The following MINDY2 variants were observed in gnomAD, a reference collection of about 807,000 sequenced individuals.
MINDY2 encodes the protein MINDY lysine 48 deubiquitinase 2, also known as ubiquitin carboxyl-terminal hydrolase MINDY-2.
MINDY2 carries 52 observed loss-of-function variants against 68.2 expected under a neutral mutation model. The observed-to-expected ratio is 0.76, with a 90% CI of 0.61 to 0.96. The LOEUF is 0.96. Among genes scored for constraint, MINDY2 ranks in the 40% least tolerant of loss-of-function variants. The pLI is 0.00. For synonymous variants in MINDY2, 372 were observed against 303.0 expected (o/e 1.23, Z -2.36); for missense variants, 881 against 773.4 (o/e 1.14, Z -1.65).
At chr15:58,822,652 C>T (rs966603560) in intron 5 of MINDY2, among the ~76,000 whole-genome samples, 1 of 152,096 alleles carries the variant, frequency 6.6e-6, no homozygotes, top group African/African-American at 2.4e-5. Context: ...CTAAATTCAT[C>T]GTCACAAAAT....
intron 2 of MINDY2, among the ~76,000 whole-genome samples, chr15:58,793,764 G>A (rs1465413611): frequency 6.6e-6 from 1 of 152,190 alleles, no homozygotes; most frequent in Non-Finnish European, 1.5e-5. Context: ...TCTCTTGAGT[G>A]CTTCTATTTT....
At position 58,854,464 on chromosome 15, in the gene MINDY2, T is replaced by C; in HGVS notation, c.1738-18T>C. 1.2e-6 allele frequency: 2 copies of C among 1,604,180 alleles called. No homozygotes were observed. Among genetic ancestry groups the C allele is most frequent in the Non-Finnish European group, 1.7e-6 (2 of 1,177,130 alleles). On this transcript the variant is annotated intron_variant, in intron 8 of 8. Transcript: ENST00000559228. ...CAGAATAGTTAGAGTAATTTCTTGC[T>C]GTATATTTTTCTTAAAGCAGGGCCA...
chr15:58,784,481 A>G (rs2140910342), intron 1 of MINDY2, among the ~76,000 whole-genome samples: 1 of 152,268 alleles, frequency 6.6e-6, no homozygotes, highest in African/African-American at 2.4e-5. Context: ...AATTTTACGG[A>G]GAATATTTAA....
chr15:58,780,900 C>G (rs1595701223), intron 1 of MINDY2, among the ~76,000 whole-genome samples: 1 of 152,148 alleles, frequency 6.6e-6, no homozygotes, highest in Admixed American at 6.6e-5. Context: ...TCAAAATGGT[C>G]TCTTGTCTTA....
At chr15:58,852,958 T>C (rs1263064594) in intron 8 of MINDY2, among the ~76,000 whole-genome samples, 1 of 44,322 alleles carries the variant, frequency 2.3e-5, no homozygotes, top group Non-Finnish European at 5.5e-5. Flanking sequence ...TTTTTTTTTT[T>C]TTTTTTTTTT....
At chr15:58,826,200 TTC>T (rs2031380760) in intron 5 of MINDY2, among the ~76,000 whole-genome samples, 1 of 151,814 alleles carries the variant, frequency 6.6e-6, no homozygotes, top group African/African-American at 2.4e-5. Context: ...GTTGAATGTT[TTC>T]TTTTTTTCTG....
At chr15:58,778,922 C>T (rs1457423670) in intron 1 of MINDY2, among the ~76,000 whole-genome samples, 5 of 150,110 alleles carry the variant, frequency 3.3e-5, no homozygotes, top group African/African-American at 7.4e-5. Context: ...ATGCAGTTTC[C>T]GGCTAATTTT....
intron 4 of MINDY2, among the ~76,000 whole-genome samples, chr15:58,813,306 C>G (rs1302609262): frequency 1.3e-5 from 2 of 152,080 alleles, no homozygotes; most frequent in African/African-American, 2.4e-5. Flanking sequence ...ACCAGCCTGG[C>G]CAACATGGCG....
intron 2 of MINDY2, among the ~76,000 whole-genome samples, chr15:58,796,466 T>C (rs1331970414): frequency 1.3e-5 from 2 of 152,258 alleles, no homozygotes; most frequent in Non-Finnish European, 2.9e-5. Context: ...TTTACTGTAA[T>C]AGGATGCTTA....
intron 3 of MINDY2, among the ~76,000 whole-genome samples, chr15:58,807,107 C>T (rs1003059845): frequency 1.1e-4 from 16 of 151,990 alleles, no homozygotes; most frequent in African/African-American, 3.4e-4. Flanking sequence ...AAAGAGAATC[C>T]GTAGTTTTAA....
rs1249669338 is a variant in MINDY2, at chr15:58,771,902, A to G, written c.507A>G (p.Glu169=). 3.2e-6 allele frequency: 5 copies of G among 1,562,076 alleles called. No individual in the cohort carries two copies. Among genetic ancestry groups the G allele is most frequent in the Middle Eastern group, 1.7e-4 (1 of 5,822 alleles). The part of the protein sequence containing the change: ...SSCSDPSPPG[E]SPSLDSLESF... ...GCAGCGACCCGAGCCCTCCTGGGGA[A>G]TCTCCGAGCCTGGACTCTCTGGAGT... Residue 169 remains glutamate (E), a synonymous_variant, in exon 1 of 9, where the codon GAA becomes GAG. Transcript: ENST00000559228.
intron 6 of MINDY2, among the ~76,000 whole-genome samples, chr15:58,842,453 A>T (rs868398425): frequency 6.6e-6 from 1 of 152,080 alleles, no homozygotes; most frequent in South Asian, 2.1e-4. Context: ...CATAGTGGAA[A>T]TTTTTTTCAC....
chr15:58,840,113 C>T (rs182677940), intron 6 of MINDY2, among the ~76,000 whole-genome samples: 3 of 152,310 alleles, frequency 2.0e-5, no homozygotes, highest in African/African-American at 7.2e-5. Context: ...GGATTACAGG[C>T]GTGAGCCACG....
rs903354299 is a variant in MINDY2 at position 58,787,968 on chromosome 15, G to C, written c.898+5G>C. On this transcript the variant is annotated splice_donor_5th_base_variant and intron_variant, in intron 2 of 8. Transcript: ENST00000559228. ...AGCAGCTGATGGAATATTTAGGTTAGTGTTGAAAAGTGGATTTTATATCTC... is the reference window on the plus strand; with the variant it reads ...AGCAGCTGATGGAATATTTAGGTTACTGTTGAAAAGTGGATTTTATATCTC... 2 of 1,564,206 alleles carry C rather than the reference G, an allele frequency of 1.3e-6. No individual in the cohort carries two copies. The highest frequency in any genetic ancestry group is 1.9e-5 in the Admixed American group (1 of 52,998).
Position 58,854,671 on chromosome 15 carries a change from A to T in MINDY2, c.*61A>T. 1.3e-6 allele frequency: 2 copies of T among 1,543,846 alleles called. No homozygotes were observed. The highest frequency in any genetic ancestry group is 2.4e-5 in the South Asian group (2 of 81,850). On this transcript the variant is annotated 3_prime_UTR_variant, in exon 9 of 9. Coordinates refer to ENST00000559228, the MANE Select transcript of MINDY2 (RefSeq NM_001040450.3). Reference sequence around the variant, plus strand: ...TTGAGAAACAAAACCACAGGAGGAAAGGAAGAAAAACCGATCAATACCGTC... The same window carrying T: ...TTGAGAAACAAAACCACAGGAGGAATGGAAGAAAAACCGATCAATACCGTC...
At chr15:58,841,610 C>G (rs543789723) in intron 6 of MINDY2, among the ~76,000 whole-genome samples, 1 of 151,460 alleles carries the variant, frequency 6.6e-6, no homozygotes, top group South Asian at 2.1e-4. Flanking sequence ...TCACCATGTT[C>G]GTCAGGCTGG....
At chr15:58,772,458 T>G (rs1900497134) in intron 1 of MINDY2, among the ~76,000 whole-genome samples, 1 of 152,166 alleles carries the variant, frequency 6.6e-6, no homozygotes, top group Admixed American at 6.5e-5. Flanking sequence ...TGTTTAAGAG[T>G]TCAACATTCA....
chr15:58,776,357 G>C (rs1462122608), intron 1 of MINDY2, among the ~76,000 whole-genome samples: 1 of 152,056 alleles, frequency 6.6e-6, no homozygotes, highest in African/African-American at 2.4e-5. Flanking sequence ...GAGACAGAGA[G>C]AAAACAGAGG....
rs781530560 is a variant in MINDY2, at chr15:58,851,808, A to G, written c.1580A>G (p.Gln527Arg). 6 of 1,602,808 alleles carry G rather than the reference A, an allele frequency of 3.7e-6. No homozygotes were observed. Among genetic ancestry groups the G allele is most frequent in the Non-Finnish European group, 5.1e-6 (6 of 1,177,130 alleles). ...GCATTATCTCTACAACAAGAACAGC[A>G]GAGCCAAGAGATCAATTGGGAACAA... The part of the protein sequence containing the change: ...LMALSLQQEQ[Q>R]SQEINWEQIP... Residue 527 changes from glutamine (Q) to arginine (R), a missense_variant, in exon 8 of 9, where the codon CAG (glutamine) becomes CGG (arginine). By Grantham distance (43) the Gln-to-Arg change is conservative. Coordinates refer to ENST00000559228, the MANE Select transcript of MINDY2 (RefSeq NM_001040450.3).
Sources: allele counts gnomAD v4.1 joint callset (sites outside exome capture counted in the v4.1 genomes callset), GRCh38; gene constraint gnomAD v4.1.1; transcripts MANE v1.5; gene names NCBI Gene and HGNC (gene_info 2026-07-23, HGNC 2026-07-21).